Variants in ICA1 observed in about 807,000 individuals in gnomAD.
ICA1 encodes islet cell autoantigen 1, also known as 69 kDa islet cell autoantigen.
In ICA1, 40 loss-of-function variants were observed where a neutral mutation model predicts 71.0. The ratio of observed to expected loss-of-function variants is 0.56; its 90% CI spans 0.44 to 0.73. ICA1 has a LOEUF of 0.73. ICA1 is among the 30% of genes least tolerant of loss of function. ICA1 has a pLI of 0.00. For missense variants in ICA1, 578 were observed against 576.5 expected (o/e 1.00, Z -0.03); for synonymous variants, 207 against 209.5 (o/e 0.99, Z 0.10).
At chr7:8,239,447 G>A (rs992997041) in intron 1 of ICA1, among the ~76,000 whole-genome samples, 1 of 152,188 alleles carries the variant, frequency 6.6e-6, no homozygotes, top group South Asian at 2.1e-4. Flanking sequence ...CGGCCGAATA[G>A]GAATAGCTCC....
intron 6 of ICA1, among the ~76,000 whole-genome samples, chr7:8,195,765 G>A (rs1787271848): frequency 6.6e-6 from 1 of 152,060 alleles, no homozygotes; most frequent in Admixed American, 6.6e-5. Context: ...GGATCACGAG[G>A]TCAGGAGTTC....
intron 6 of ICA1, among the ~76,000 whole-genome samples, chr7:8,211,017 C>G (rs532521133): frequency 8.0e-4 from 121 of 152,194 alleles, no homozygotes; most frequent in African/African-American, 2.4e-3. Flanking sequence ...GGAGGAAGGC[C>G]GCTGAATCGT....
At chr7:8,205,563 G>A (rs548449951) in intron 6 of ICA1, among the ~76,000 whole-genome samples, 3 of 152,310 alleles carry the variant, frequency 2.0e-5, no homozygotes, top group Non-Finnish European at 4.4e-5. Context: ...AGACCCTTAT[G>A]AGAGTATTAA....
chr7:8,125,522 G>C (rs539839843), intron 13 of ICA1, among the ~76,000 whole-genome samples: 34 of 152,300 alleles, frequency 2.2e-4, no homozygotes, highest in African/African-American at 8.2e-4. Context: ...ACTACCCTGA[G>C]AGCCCCAACA....
intron 4 of ICA1, among the ~76,000 whole-genome samples, chr7:8,225,957 T>C (rs1798466640): frequency 6.6e-6 from 1 of 152,210 alleles, no homozygotes; most frequent in Non-Finnish European, 1.5e-5. Context: ...ATTATTTTTG[T>C]GTTTAGCCTC....
chr7:8,151,903 T>C (rs1362258029), intron 8 of ICA1, among the ~76,000 whole-genome samples: 1 of 152,210 alleles, frequency 6.6e-6, no homozygotes, highest in African/African-American at 2.4e-5. Context: ...TCTGTTTCAA[T>C]GGTTATTTTT....
intron 1 of ICA1, among the ~76,000 whole-genome samples, chr7:8,236,266 C>T (rs1361670669): frequency 1.3e-5 from 2 of 152,142 alleles, no homozygotes; most frequent in Admixed American, 6.6e-5. Context: ...AATATAATAT[C>T]ATTTATATAA....
intron 6 of ICA1, among the ~76,000 whole-genome samples, chr7:8,181,424 C>A (rs969622851): frequency 2.0e-5 from 3 of 152,100 alleles, no homozygotes; most frequent in Non-Finnish European, 4.4e-5. Flanking sequence ...AGTCCTCTAT[C>A]TTTGTTCTTA....
chr7:8,138,989 G>A lies in ICA1; in HGVS notation c.1014C>T (p.Cys338=), dbSNP rs560184077. The change falls in exon 11 of 14, where the codon TGC becomes TGT. Residue 338 remains cysteine, a synonymous_variant. Transcript: ENST00000402384. ...ALDKGSTHTA[C]SGPIDELLDM... ...GTTTTCCTTAATCTAGGTTACCTGA[G>A]CATGCAGTATGTGTAGAGCCTTTGT... is the stretch of plus-strand genomic sequence containing the variant. 2 of 1,612,014 alleles carry A rather than the reference G, an allele frequency of 1.2e-6. No individual in the cohort carries two copies. The highest frequency in any genetic ancestry group is 1.3e-5 in the African/African-American group (1 of 75,012).
intron 6 of ICA1, among the ~76,000 whole-genome samples, chr7:8,208,651 T>C (rs1583256436): frequency 6.6e-6 from 1 of 152,192 alleles, no homozygotes; most frequent in Admixed American, 6.5e-5. Flanking sequence ...GACTTAGGGA[T>C]AAACTACAGA....
intron 6 of ICA1, among the ~76,000 whole-genome samples, chr7:8,217,313 A>G (rs558951488): frequency 3.7e-4 from 56 of 152,324 alleles, no homozygotes; most frequent in African/African-American, 1.3e-3. Context: ...AAAGAAATCA[A>G]TCTATATCTA....
chr7:8,260,782 T>C (rs1812035107), intron 1 of ICA1, among the ~76,000 whole-genome samples: 1 of 152,222 alleles, frequency 6.6e-6, no homozygotes, highest in Non-Finnish European at 1.5e-5. Flanking sequence ...TAAAAGCATT[T>C]TTAGAGAGTG....
At chr7:8,183,776 G>A (rs1047060508) in intron 6 of ICA1, among the ~76,000 whole-genome samples, 1 of 152,168 alleles carries the variant, frequency 6.6e-6, no homozygotes, top group Non-Finnish European at 1.5e-5. Context: ...TAGCACTATG[G>A]AGGTCAATTA....
At position 8,226,180 on chromosome 7, in the gene ICA1, T is replaced by G. The variant is rs756723084; in HGVS notation, c.256+2421A>C. Among the ~76,000 whole-genome samples, 8 of 152,160 alleles carry G rather than the reference T, an allele frequency of 5.3e-5. No homozygotes were observed. Among genetic ancestry groups the G allele is most frequent in the Non-Finnish European group, 1.0e-4 (7 of 68,020 alleles). ...ACTATGGTTTTATGAATCAGAGCTATGGGAAGGTATCTCATAGCTCCCTCT... is the reference window on the plus strand; with the variant it reads ...ACTATGGTTTTATGAATCAGAGCTAGGGGAAGGTATCTCATAGCTCCCTCT... On this transcript the variant is annotated intron_variant, in intron 4 of 13. Coordinates refer to ENST00000402384, the MANE Select transcript of ICA1 (RefSeq NM_001136020.3). The surrounding 1 kb of genome is among the most constrained non-coding windows in gnomAD (Gnocchi z 4.4).
At chr7:8,146,882 GCA>G (rs144575495) in intron 8 of ICA1, among the ~76,000 whole-genome samples, 18,000 of 139,102 alleles carry the variant, frequency 0.13, 1,225 homozygotes, top group Middle Eastern at 0.17. Flanking sequence ...ACACACACAC[GCA>G]CACACACACA....
chr7:8,158,278 C>T (rs1388827050), intron 7 of ICA1: 1 of 449,036 alleles, frequency 2.2e-6, no homozygotes, highest in Non-Finnish European at 3.9e-6. Context: ...AGGAGAAAGG[C>T]ACTCCAGGTA....
intron 6 of ICA1, among the ~76,000 whole-genome samples, chr7:8,198,434 G>C (rs914891825): frequency 6.6e-6 from 1 of 152,198 alleles, no homozygotes; most frequent in Non-Finnish European, 1.5e-5. Flanking sequence ...AAACCACAGA[G>C]GGCTTTGTGG....
intron 4 of ICA1, among the ~76,000 whole-genome samples, chr7:8,224,234 G>GT (rs1325795196): frequency 6.6e-6 from 1 of 152,178 alleles, no homozygotes; most frequent in African/African-American, 2.4e-5. Flanking sequence ...ATTAGGCTGA[G>GT]TTCTGAATGA....
At chr7:8,145,585 G>C (rs1028704042) in intron 8 of ICA1, among the ~76,000 whole-genome samples, 1 of 151,686 alleles carries the variant, frequency 6.6e-6, no homozygotes, top group African/African-American at 2.4e-5. Flanking sequence ...ATTATGTTTT[G>C]TCTCCGTAAA....
Sources: allele counts gnomAD v4.1 joint callset (sites outside exome capture counted in the v4.1 genomes callset), GRCh38; gene constraint gnomAD v4.1.1; non-coding constraint Gnocchi (gnomAD v3.1); transcripts MANE v1.5; gene names NCBI Gene and HGNC (gene_info 2026-07-23, HGNC 2026-07-21).